MRPL48: variants seen among roughly 807,000 people sequenced by gnomAD.
The protein encoded by MRPL48 is mitochondrial ribosomal protein L48, also known as large ribosomal subunit protein mL48.
MRPL48 carries 16 observed loss-of-function variants against 32.9 expected under a neutral mutation model. The ratio of observed to expected loss-of-function variants is 0.49; its 90% CI spans 0.33 to 0.74. The LOEUF (loss-of-function observed/expected upper bound fraction) is 0.74, where lower values mean the gene tolerates loss of function less well. Ranked by LOEUF, MRPL48 falls within the 30% of genes least tolerant of loss-of-function variation. MRPL48 has a pLI of 0.02. For synonymous variants in MRPL48, 94 were observed against 89.2 expected (o/e 1.05, Z -0.31); for missense variants, 206 against 245.3 (o/e 0.84, Z 1.07).
At chr11:73,798,022 A>T (rs2134942980) in intron 1 of MRPL48, among the ~76,000 whole-genome samples, 2 of 152,304 alleles carry the variant, frequency 1.3e-5, no homozygotes, top group Middle Eastern at 3.4e-3. Context: ...GCAGACTTTG[A>T]TAATCAACAT....
intron 3 of MRPL48, among the ~76,000 whole-genome samples, chr11:73,821,371 A>G (rs1026155385): frequency 6.6e-6 from 1 of 152,066 alleles, no homozygotes. Context: ...TAATCTCCAT[A>G]AGCAGAGTTT....
intron 4 of MRPL48, among the ~76,000 whole-genome samples, chr11:73,844,043 C>T (rs1180655474): frequency 6.6e-6 from 1 of 151,562 alleles, no homozygotes; most frequent in Non-Finnish European, 1.5e-5. Context: ...TGCGCCATTG[C>T]ATTCCAGCCT....
At chr11:73,790,880 CTTTTTTT>C (rs71469471) in intron 1 of MRPL48, among the ~76,000 whole-genome samples, 4 of 86,408 alleles carry the variant, frequency 4.6e-5, no homozygotes, top group African/African-American at 9.0e-5. Context: ...CTTTTCTGTT[CTTTTTTT>C]TTTTTTTTTT....
chr11:73,824,012 T>G (rs559433323), intron 3 of MRPL48, among the ~76,000 whole-genome samples: 2 of 151,928 alleles, frequency 1.3e-5, no homozygotes, highest in South Asian at 4.2e-4. Context: ...TGCACCACCA[T>G]GCCCAGCTAA....
chr11:73,802,355 C>T (rs1478090851), intron 1 of MRPL48, among the ~76,000 whole-genome samples: 1 of 152,156 alleles, frequency 6.6e-6, no homozygotes, highest in Non-Finnish European at 1.5e-5. Flanking sequence ...CTACAATTCA[C>T]CTATTTAAAG....
chr11:73,856,929 C>T (rs55987259), intron 5 of MRPL48, among the ~76,000 whole-genome samples: 8,591 of 152,152 alleles, frequency 0.056, 263 homozygotes, highest in Middle Eastern at 0.11. Context: ...AAAACCCATA[C>T]GTACTTTTAC....
intron 1 of MRPL48, among the ~76,000 whole-genome samples, chr11:73,795,096 A>T (rs1947232055): frequency 6.6e-6 from 1 of 150,954 alleles, no homozygotes; most frequent in African/African-American, 2.4e-5. Flanking sequence ...GTATTTTTTT[A>T]GTAGAGACGG....
intron 4 of MRPL48, among the ~76,000 whole-genome samples, chr11:73,843,801 A>G (rs1948234792): frequency 6.6e-6 from 1 of 152,056 alleles, no homozygotes; most frequent in South Asian, 2.1e-4. Context: ...GGGCTTGGCC[A>G]GGAGCAGTGG....
chr11:73,803,192 A>C (rs1483906052), intron 1 of MRPL48, among the ~76,000 whole-genome samples: 1 of 151,914 alleles, frequency 6.6e-6, no homozygotes, highest in Non-Finnish European at 1.5e-5. Flanking sequence ...CAATGGTATG[A>C]TCTCTGCTCA....
At chr11:73,838,071 C>G (rs1229835095) in intron 4 of MRPL48, among the ~76,000 whole-genome samples, 1 of 152,126 alleles carries the variant, frequency 6.6e-6, no homozygotes, top group Non-Finnish European at 1.5e-5. Flanking sequence ...TCAGGCTGGT[C>G]TTGAACTCCT....
intron 1 of MRPL48, among the ~76,000 whole-genome samples, chr11:73,788,484 T>C (rs1947089861): frequency 6.8e-6 from 1 of 147,606 alleles, no homozygotes; most frequent in East Asian, 1.9e-4. Flanking sequence ...TTTTTTTTTT[T>C]TTTTTTTTTT....
intron 5 of MRPL48, among the ~76,000 whole-genome samples, chr11:73,854,553 C>G (rs1476746114): frequency 6.6e-6 from 1 of 152,150 alleles, no homozygotes; most frequent in African/African-American, 2.4e-5. Flanking sequence ...TCCCAAAGTG[C>G]TAGGATTACA....
intron 3 of MRPL48, 36 bp from the exon 4 acceptor site, chr11:73,825,672 C>T (rs776526294): frequency 1.3e-6 from 2 of 1,523,522 alleles, no homozygotes; most frequent in African/African-American, 2.8e-5. Flanking sequence ...ATAGCAACAA[C>T]AAAAAAACAG....
chr11:73,811,020 C>T (rs1590947396), intron 3 of MRPL48, among the ~76,000 whole-genome samples: 1 of 152,118 alleles, frequency 6.6e-6, no homozygotes, highest in Non-Finnish European at 1.5e-5. Flanking sequence ...GGATCATACC[C>T]TGAGGAATTT....
intron 5 of MRPL48, among the ~76,000 whole-genome samples, chr11:73,857,256 G>A (rs1225547974): frequency 2.0e-5 from 3 of 151,484 alleles, no homozygotes; most frequent in South Asian, 2.1e-4. Flanking sequence ...TCAGCCTCCC[G>A]AGTAGTAGGG....
At chr11:73,854,683 T>C (rs1006929641) in intron 5 of MRPL48, among the ~76,000 whole-genome samples, 1 of 152,206 alleles carries the variant, frequency 6.6e-6, no homozygotes, top group Non-Finnish European at 1.5e-5. Context: ...TCCTGGATTA[T>C]AGATTAAAAG....
intron 6 of MRPL48, chr11:73,860,371 C>T (rs1948564798): frequency 6.3e-6 from 1 of 158,186 alleles, no homozygotes; most frequent in South Asian, 2.0e-4. Flanking sequence ...TGTAGAGGGA[C>T]TGATTTTCCT....
At chr11:73,846,186 T>G (rs1037225718) in intron 5 of MRPL48, among the ~76,000 whole-genome samples, 1 of 152,136 alleles carries the variant, frequency 6.6e-6, no homozygotes, top group African/African-American at 2.4e-5. Context: ...ACTTTCTGTC[T>G]CTGACTTTGA....
At chr11:73,790,062 A>ATTTTTTTTTTTTTTTTTTTTT (rs34534770) in intron 1 of MRPL48, among the ~76,000 whole-genome samples, 1 of 103,828 alleles carries the variant, frequency 9.6e-6, no homozygotes, top group African/African-American at 3.7e-5. Context: ...TGCTCAGCTA[A>ATTTTTTTTTTTTTTTTTTTTT]TTTTTTTTTT....
Sources: gnomAD v4.1 joint callset for allele counts (sites outside exome capture counted in the v4.1 genomes callset) on GRCh38, gnomAD v4.1.1 for gene constraint, MANE v1.5 for transcripts, NCBI Gene and HGNC (gene_info 2026-07-23, HGNC 2026-07-21) for gene names.